Variants in CHRD observed in about 807,000 individuals in gnomAD.
CHRD encodes chordin.
Under a neutral mutation model 113.7 loss-of-function variants are expected in CHRD, and 69 were observed. The ratio of observed to expected loss-of-function variants is 0.61; its 90% CI spans 0.50 to 0.74. The LOEUF is 0.74. Ranked by LOEUF, CHRD falls within the 30% of genes least tolerant of loss-of-function variation. CHRD has a pLI of 0.00. For missense variants in CHRD, 1,194 were observed against 1,295.8 expected, an observed-to-expected ratio of 0.92 and a Z score of 1.21; for synonymous variants, 561 against 540.8, an observed-to-expected ratio of 1.04 and a Z score of -0.52.
chr3:184,389,242 A>C, intron 22 of CHRD, 125 bp from the exon 23 acceptor site: 1 of 808,028 alleles, frequency 1.2e-6, no homozygotes. Flanking sequence ...GTGTGCACTG[A>C]CCTGTTTAGA....
chr3:184,384,050 C>T lies in CHRD; in HGVS notation c.1440+408C>T, dbSNP rs569297210. On this transcript the variant is annotated intron_variant, in intron 12 of 22. Transcript: ENST00000204604. The surrounding 1 kb of genome is among the most constrained non-coding windows in gnomAD (Gnocchi z 4.4). ...TCGGCCTCCCAAAGTGCTGGGATTA[C>T]AGGCGAGAGCCACCGTGCCCGGCAT... is the stretch of plus-strand genomic sequence containing the variant. Among the ~76,000 whole-genome samples the T allele has an allele frequency of 6.6e-6, 1 of 152,272 alleles. No individual in the cohort carries two copies. The highest frequency in any genetic ancestry group is 1.9e-4 in the East Asian group (1 of 5,180).
At position 184,387,010 on chromosome 3, in the gene CHRD, G is replaced by T. The variant is rs868088827; in HGVS notation, c.2291-41G>T. The T allele has an allele frequency of 6.2e-7, 1 of 1,613,632 alleles. No homozygotes were observed. Among genetic ancestry groups the T allele is most frequent in the East Asian group, 2.2e-5 (1 of 44,862 alleles). ...ACAGGTCCTTTGGGGAGGGAATGAGGGTGGTCACTCTCTGCTTTCACCATT... is the reference window on the plus strand; with the variant it reads ...ACAGGTCCTTTGGGGAGGGAATGAGTGTGGTCACTCTCTGCTTTCACCATT... On this transcript the variant is annotated intron_variant, in intron 17 of 22. Transcript: ENST00000204604. This position sits in a 1 kb window ranked among gnomAD's most constrained non-coding sequence, Gnocchi z 6.1.
At position 184,380,610 on chromosome 3, in the gene CHRD, G is replaced by A; in HGVS notation, c.149-82G>A. 1 of 1,208,296 alleles carries A rather than the reference G, an allele frequency of 8.3e-7. No individual in the cohort carries two copies. Among genetic ancestry groups the A allele is most frequent in the Non-Finnish European group, 1.1e-6 (1 of 932,656 alleles). 74.8% of individuals were successfully genotyped at this position (1,208,296 alleles called of 1,614,324 possible). On this transcript the variant is annotated intron_variant, in intron 1 of 22. Transcript: ENST00000204604. This position sits in a 1 kb window ranked among gnomAD's most constrained non-coding sequence, Gnocchi z 6.3. ...CGGGGGCAGAAGGGCGCGGTGCCTG[G>A]GACCCGGGACCCGCGGGCAGCCCCC...
Position 184,382,931 on chromosome 3 carries a change from C to A in CHRD, c.1058C>A (p.Ser353Ter). The change falls in exon 9 of 23, where the codon TCA (serine) becomes TAA (stop). Residue 353 changes from serine (S) to a stop codon, truncating the protein, a stop_gained. Transcript: ENST00000204604. LOFTEE classifies it high-confidence loss of function. ...CTGCGAGAACTTCAGGCCAATGTCT[C>A]AGCCCAGGTGAGTGGGGATCTGGCT... 6.2e-7 allele frequency: 1 copy of A among 1,614,042 alleles called. No individual in the cohort carries two copies. Among genetic ancestry groups the A allele is most frequent in the Non-Finnish European group, 8.5e-7 (1 of 1,179,972 alleles).
exon 17 of CHRD, chr3:184,386,919 G>T: frequency 6.2e-7 from 1 of 1,614,218 alleles, no homozygotes; most frequent in South Asian, 1.1e-5. Context: ...CTCCCGACCA[G>T]TGCTGCCCTG....
chr3:184,381,879 C>T lies in CHRD; in HGVS notation c.612-54C>T. The stretch of plus-strand genomic sequence containing the variant: ...GGGCCCGGGAGGGAAACTGGGAGAG[C>T]TGGGAGGGGCTGCTTTTGGCTCAGT... On this transcript the variant is annotated intron_variant, in intron 5 of 22. Coordinates refer to ENST00000204604, the Ensembl canonical transcript of CHRD. This position sits in a 1 kb window ranked among gnomAD's most constrained non-coding sequence, Gnocchi z 4.7. The T allele has an allele frequency of 6.2e-7, 1 of 1,611,626 alleles. No homozygotes were observed. The highest frequency in any genetic ancestry group is 8.5e-7 in the Non-Finnish European group (1 of 1,178,802).
In CHRD at chr3:184,384,745, G is replaced by A. The variant is rs1329726245; in HGVS notation, c.1597+52G>A. Reference sequence around the variant, plus strand: ...CCTTTGGTTTCCTAGAACATTTGAGGGATGGTGGCAGACAGCCGGAGCCTG... The same window carrying A: ...CCTTTGGTTTCCTAGAACATTTGAGAGATGGTGGCAGACAGCCGGAGCCTG... On this transcript the variant is annotated intron_variant, in intron 13 of 22. Transcript: ENST00000204604. This position sits in a 1 kb window ranked among gnomAD's most constrained non-coding sequence, Gnocchi z 4.4. 3.3e-6 allele frequency: 5 copies of A among 1,503,824 alleles called. No homozygotes were observed. The highest frequency in any genetic ancestry group is 4.4e-6 in the Non-Finnish European group (5 of 1,127,298). The allele number at this position is 1,503,824 out of a possible 1,614,324, so 93.2% of individuals were successfully genotyped here. A position where few individuals can be genotyped will look rare whatever the true frequency, so the allele number is the denominator to read the frequency against.
In CHRD at chr3:184,388,974, C is replaced by T. The variant is rs1476663696; in HGVS notation, c.2791C>T (p.Arg931Cys). 3 of 1,611,568 alleles carry T rather than the reference C, an allele frequency of 1.9e-6. No individual in the cohort carries two copies. The highest frequency in any genetic ancestry group is 1.1e-5 in the South Asian group (1 of 91,052). Reference sequence around the variant, plus strand: ...GGGGAAGGAGAGTCGATGCTGTTCCCGCTGCACGGCCCACCGGCGGCGTAA... The same window carrying T: ...GGGGAAGGAGAGTCGATGCTGTTCCTGCTGCACGGCCCACCGGCGGCGTAA... The change falls in exon 22 of 23, where the codon CGC becomes TGC. Residue 931 changes from arginine (R) to cysteine (C), a missense_variant. Physicochemically the swap from Arg to Cys is radical, Grantham distance 180. Coordinates refer to ENST00000204604, the Ensembl canonical transcript of CHRD. The surrounding 1 kb of genome is among the most constrained non-coding windows in gnomAD (Gnocchi z 6.1).
At chr3:184,382,478 C>T in exon 7 of CHRD, 4 of 1,614,130 alleles carry the variant, frequency 2.5e-6, no homozygotes, top group Non-Finnish European at 3.4e-6. Flanking sequence ...CACTCACTCA[C>T]CCTTCAGGGG....
chr3:184,384,531 C>T lies in CHRD; in HGVS notation c.1441-6C>T, dbSNP rs868780503. The T allele has an allele frequency of 1.3e-6, 2 of 1,518,628 alleles. No individual in the cohort carries two copies. Among genetic ancestry groups the T allele is most frequent in the Middle Eastern group, 4.1e-4 (2 of 4,840 alleles). The allele number at this position is 1,518,628 out of a possible 1,614,324, so 94.1% of individuals were successfully genotyped here. ...GCTGAGAAGGCCTATCCTCCCCTGCCCCCAGGCCGTGGGTATCTGCCCTGG... is the reference window on the plus strand; with the variant it reads ...GCTGAGAAGGCCTATCCTCCCCTGCTCCCAGGCCGTGGGTATCTGCCCTGG... On this transcript the variant is annotated splice_polypyrimidine_tract_variant and splice_region_variant and intron_variant, in intron 12 of 22. Transcript: ENST00000204604. The surrounding 1 kb of genome is among the most constrained non-coding windows in gnomAD (Gnocchi z 4.4).
chr3:184,390,430 G>A (rs1276897343), downstream of CHRD: 1 of 151,944 alleles, frequency 6.6e-6, no homozygotes, highest in Non-Finnish European at 1.5e-5. Flanking sequence ...TGTCTAAAGT[G>A]AGGCAAACAC....
chr3:184,385,163 T>A (rs746521238), exon 14 of CHRD: 2 of 1,614,142 alleles, frequency 1.2e-6, no homozygotes, highest in Admixed American at 3.3e-5. Flanking sequence ...AACAAGGCAC[T>A]GTCACTGCCC....
exon 16 of CHRD, chr3:184,386,558 C>A: frequency 6.5e-7 from 1 of 1,543,936 alleles, no homozygotes; most frequent in Non-Finnish European, 8.7e-7. Flanking sequence ...CGAGGGGGTG[C>A]GGGCGCTGGG....
rs373789484 is a variant in CHRD at position 184,381,585 on chromosome 3, C to G, written c.472C>G (p.Pro158Ala). 6 of 1,608,138 alleles carry G rather than the reference C, an allele frequency of 3.7e-6. No homozygotes were observed. Among genetic ancestry groups the G allele is most frequent in the Non-Finnish European group, 5.1e-6 (6 of 1,177,566 alleles). ...TCGCAGTTATAGCGACCGCGGGGAG[C>G]CAGGCGCTGAGGAGCGGGCCCGTGG... Residue 158 changes from proline to alanine, a missense_variant, in exon 4 of 23, where the codon CCA (proline) becomes GCA (alanine). Pro to Ala is a conservative substitution (Grantham distance 27, BLOSUM62 -1). Coordinates refer to ENST00000204604, the Ensembl canonical transcript of CHRD. This position sits in a 1 kb window ranked among gnomAD's most constrained non-coding sequence, Gnocchi z 4.7.
chr3:184,381,852 C>CG lies in CHRD; in HGVS notation c.611+41dup, dbSNP rs779908149. 8.7e-6 allele frequency: 14 copies of CG among 1,610,578 alleles called. No individual in the cohort carries two copies. Among genetic ancestry groups the CG allele is most frequent in the African/African-American group, 4.0e-5 (3 of 74,876 alleles). The stretch of plus-strand genomic sequence containing the variant: ...GAAGGAGCAAGGAGGGGTCAGCTGC[C>CG]GGGGCCCGGGAGGGAAACTGGGAGA... On this transcript the variant is annotated intron_variant, in intron 5 of 22. Coordinates refer to ENST00000204604, the Ensembl canonical transcript of CHRD. This position sits in a 1 kb window ranked among gnomAD's most constrained non-coding sequence, Gnocchi z 4.7.
In CHRD at chr3:184,380,376, G is replaced by T; in HGVS notation, c.58G>T (p.Gly20Cys). ...GCTGCTCCTCGGGCTGCTGCTGCTC[G>T]GCTCCCGGCCGGCCCGCGGCGCCGG... The change falls in exon 1 of 23, where the codon GGC (glycine) becomes TGC (cysteine). Residue 20 changes from glycine to cysteine, a missense_variant. Gly to Cys is a radical substitution (Grantham distance 159). Transcript: ENST00000204604. This position sits in a 1 kb window ranked among gnomAD's most constrained non-coding sequence, Gnocchi z 6.3. The T allele has an allele frequency of 7.4e-7, 1 of 1,343,304 alleles. No homozygotes were observed. Among genetic ancestry groups the T allele is most frequent in the Non-Finnish European group, 9.6e-7 (1 of 1,037,322 alleles). 83.2% of individuals were successfully genotyped at this position (1,343,304 alleles called of 1,614,324 possible).
chr3:184,380,449 C>T lies in CHRD; in HGVS notation c.131C>T (p.Pro44Leu). The stretch of plus-strand genomic sequence containing the variant: ...ATCCGTTCTGAGAAGGAGCCGCTGC[C>T]CGTTCGGGGAGCGGCAGGTAGGTGG... Residue 44 changes from proline to leucine, a missense_variant, in exon 1 of 23, where the codon CCC becomes CTC. Coordinates refer to ENST00000204604, the Ensembl canonical transcript of CHRD. This position sits in a 1 kb window ranked among gnomAD's most constrained non-coding sequence, Gnocchi z 6.3. 8.1e-7 allele frequency: 1 copy of T among 1,232,340 alleles called. No homozygotes were observed. The highest frequency in any genetic ancestry group is 1.0e-6 in the Non-Finnish European group (1 of 982,788). The allele number at this position is 1,232,340 out of a possible 1,614,324, so 76.3% of individuals were successfully genotyped here. A position where few individuals can be genotyped will look rare whatever the true frequency, so the allele number is the denominator to read the frequency against.
Position 184,381,364 on chromosome 3 carries a change from G to T in CHRD, c.382G>T (p.Glu128Ter). 1 of 1,591,578 alleles carries T rather than the reference G, an allele frequency of 6.3e-7. No individual in the cohort carries two copies. The highest frequency in any genetic ancestry group is 8.6e-7 in the Non-Finnish European group (1 of 1,169,294). ...ACACTGCTGCCAGACCTGCCCCCAG[G>T]GTAAGTCTTGCTCCGCCCTGCGGGG... The change falls in exon 3 of 23, where the codon GAG becomes TAG. Residue 128 changes from glutamate to a stop codon, truncating the protein, a stop_gained and splice_region_variant. Coordinates refer to ENST00000204604, the Ensembl canonical transcript of CHRD. LOFTEE classifies it high-confidence loss of function. The surrounding 1 kb of genome is among the most constrained non-coding windows in gnomAD (Gnocchi z 4.7).
chr3:184,380,347 C>A lies in CHRD; in HGVS notation c.29C>A (p.Pro10Gln). Reference sequence around the variant, plus strand: ...CCGAGCCTCCCGGCCCCGCCGGCCCCGCTGCTGCTCCTCGGGCTGCTGCTG... The same window carrying A: ...CCGAGCCTCCCGGCCCCGCCGGCCCAGCTGCTGCTCCTCGGGCTGCTGCTG... Residue 10 changes from proline to glutamine, a missense_variant, in exon 1 of 23, where the codon CCG (proline) becomes CAG (glutamine). By Grantham distance (76) the Pro-to-Gln change is moderately conservative. Transcript: ENST00000204604. This position sits in a 1 kb window ranked among gnomAD's most constrained non-coding sequence, Gnocchi z 6.3. 1 of 1,356,784 alleles carries A rather than the reference C, an allele frequency of 7.4e-7. No individual in the cohort carries two copies. The highest frequency in any genetic ancestry group is 3.5e-5 in the East Asian group (1 of 28,330). 84.0% of individuals were successfully genotyped at this position (1,356,784 alleles called of 1,614,324 possible).
Sources: gnomAD v4.1 joint callset for allele counts (sites outside exome capture counted in the v4.1 genomes callset) on GRCh38, gnomAD v4.1.1 for gene constraint, Gnocchi (gnomAD v3.1) non-coding constraint, MANE v1.5 for transcripts, NCBI Gene and HGNC (gene_info 2026-07-23, HGNC 2026-07-21) for gene names.